Variants in STK10 observed in about 807,000 individuals in gnomAD.
STK10 encodes the protein serine/threonine kinase 10.
In STK10, 78 loss-of-function variants were observed where a neutral mutation model predicts 113.8. The observed-to-expected ratio is 0.69, with a 90% CI of 0.57 to 0.83. STK10 has a LOEUF of 0.83. Among genes scored for constraint, STK10 ranks in the 40% least tolerant of loss-of-function variants. The pLI is 0.00. For missense variants in STK10, 1,109 were observed against 1,280.1 expected (o/e 0.87, Z 2.04); for synonymous variants, 465 against 494.7 (o/e 0.94, Z 0.80).
chr5:172,131,133 A>G (rs558158718), intron 2 of STK10, among the ~76,000 whole-genome samples: 2 of 144,552 alleles, frequency 1.4e-5, no homozygotes, highest in Admixed American at 1.5e-4. Context: ...TCCCAGGTTC[A>G]CGCCATTCTC....
chr5:172,101,814 C>A (rs1768995670), intron 7 of STK10, among the ~76,000 whole-genome samples: 3 of 152,126 alleles, frequency 2.0e-5, no homozygotes, highest in South Asian at 2.1e-4. Context: ...ACAGAGGGAT[C>A]CGGAGGAAGG....
chr5:172,129,023 C>T (rs918081613), intron 2 of STK10, among the ~76,000 whole-genome samples: 6 of 152,176 alleles, frequency 3.9e-5, no homozygotes, highest in Non-Finnish European at 2.9e-5. Flanking sequence ...CACGGCTGGG[C>T]TCATGGCCCA....
intron 1 of STK10, among the ~76,000 whole-genome samples, chr5:172,157,951 C>A (rs866101616): frequency 2.0e-5 from 3 of 152,086 alleles, no homozygotes; most frequent in Non-Finnish European, 4.4e-5. Context: ...ACATTTCCCA[C>A]GCACTAACAG....
intron 12 of STK10, among the ~76,000 whole-genome samples, chr5:172,072,256 T>A (rs28817318): frequency 1.9e-4 from 27 of 142,024 alleles, no homozygotes; most frequent in African/African-American, 7.3e-4. Context: ...ACTTAAAAAA[T>A]TTTTTTTCTT....
intron 13 of STK10, among the ~76,000 whole-genome samples, chr5:172,063,269 C>A (rs991342538): frequency 6.6e-6 from 1 of 151,142 alleles, no homozygotes; most frequent in Non-Finnish European, 1.5e-5. Flanking sequence ...AAAAAAAAAA[C>A]TGGGATGAAA....
chr5:172,081,351 CAAAAAAAAA>C (rs58173076), intron 12 of STK10, among the ~76,000 whole-genome samples: 1 of 68,614 alleles, frequency 1.5e-5, no homozygotes, highest in Non-Finnish European at 2.9e-5. Flanking sequence ...ACTCCATCTC[CAAAAAAAAA>C]AAAAAAAAAA....
intron 2 of STK10, among the ~76,000 whole-genome samples, chr5:172,141,539 A>C (rs1769971939): frequency 6.6e-6 from 1 of 151,298 alleles, no homozygotes; most frequent in Non-Finnish European, 1.5e-5. Context: ...CGATTGTGCC[A>C]CTACATACAC....
chr5:172,060,079 C>T (rs1470969044), intron 14 of STK10, among the ~76,000 whole-genome samples: 1 of 152,086 alleles, frequency 6.6e-6, no homozygotes, highest in Non-Finnish European at 1.5e-5. Flanking sequence ...GAGGGTGGAG[C>T]CCTCGTGAAT....
chr5:172,079,415 C>G (rs1236257299), intron 12 of STK10, among the ~76,000 whole-genome samples: 2 of 152,180 alleles, frequency 1.3e-5, no homozygotes, highest in East Asian at 1.9e-4. Flanking sequence ...CTCTCCAGAT[C>G]TCTAGTCAGC....
At chr5:172,159,121 A>T (rs1770411350) in intron 1 of STK10, among the ~76,000 whole-genome samples, 1 of 152,232 alleles carries the variant, frequency 6.6e-6, no homozygotes, top group African/African-American at 2.4e-5. Context: ...ATTGCACACA[A>T]GGAGCTAGTG....
In STK10 at chr5:172,093,818, G is replaced by A. The variant is rs761540689; in HGVS notation, c.1148C>T (p.Ser383Phe). ...GGTGGTTTGGAGGGATCTGTCCCCA[G>A]AGGGCTGGCTGCAGGGCTCATTCAC... ...DSVNEPCSQP[S>F]GDRSLQTTSP... The change falls in exon 9 of 19, where the codon TCT (serine) becomes TTT (phenylalanine). Residue 383 changes from serine to phenylalanine, a missense_variant. Ser to Phe is a radical substitution (Grantham distance 155, BLOSUM62 -2). This residue lies in a region of STK10 where 885 missense variants were observed against 991.1 expected (regional missense o/e 0.89). Coordinates refer to ENST00000176763, the MANE Select transcript of STK10 (RefSeq NM_005990.4). This position sits in a 1 kb window ranked among gnomAD's most constrained non-coding sequence, Gnocchi z 4.1. 3 of 1,605,790 alleles carry A rather than the reference G, an allele frequency of 1.9e-6. No homozygotes were observed. The highest frequency in any genetic ancestry group is 2.6e-6 in the Non-Finnish European group (3 of 1,174,058).
At chr5:172,165,147 A>G (rs1770544397) in intron 1 of STK10, among the ~76,000 whole-genome samples, 2 of 151,830 alleles carry the variant, frequency 1.3e-5, no homozygotes, top group South Asian at 4.2e-4. Flanking sequence ...CCAGCAGGGG[A>G]CCCACCCCCA....
chr5:172,171,730 TGAATAGAATAGAATA>T (rs11273930), intron 1 of STK10, among the ~76,000 whole-genome samples: 2 of 149,008 alleles, frequency 1.3e-5, no homozygotes, highest in African/African-American at 5.0e-5. Context: ...TAAAATAAAA[TGAATAGAATAGAATA>T]GAATAGAATA....
In STK10 at chr5:172,140,744, A is replaced by G. The variant is rs183146506; in HGVS notation, c.322-13323T>C. Among the ~76,000 whole-genome samples the G allele has an allele frequency of 6.0e-3, 915 of 152,280 alleles. 13 individuals carry two copies. Among genetic ancestry groups the G allele is most frequent in the African/African-American group, 0.021 (879 of 41,556 alleles). ...AAAATAAAAATAGAACTACTATATG[A>G]TCCAGCAATCCCACTTCTGGGTATT... On this transcript the variant is annotated intron_variant, in intron 2 of 18. Coordinates refer to ENST00000176763, the MANE Select transcript of STK10 (RefSeq NM_005990.4).
At chr5:172,090,111 C>T (rs57843629) in intron 10 of STK10, 121 bp downstream of exon 10, 347,451 of 1,420,238 alleles carry the variant, frequency 0.24, 49,976 homozygotes, top group African/African-American at 0.66. Context: ...TTTCCTTTTG[C>T]CTCCTTGATT....
intron 1 of STK10, among the ~76,000 whole-genome samples, chr5:172,167,257 A>C (rs1561833339): frequency 6.6e-5 from 10 of 151,802 alleles, no homozygotes; most frequent in African/African-American, 1.9e-4. Flanking sequence ...AGGTGAAATC[A>C]CTAAAGACAA....
intron 5 of STK10, among the ~76,000 whole-genome samples, chr5:172,107,407 T>A (rs185949847): frequency 6.2e-4 from 95 of 152,288 alleles, no homozygotes; most frequent in African/African-American, 1.8e-3. Context: ...ACGGTAGGAA[T>A]TGAACTTGTA....
At chr5:172,159,908 T>C (rs1392453063) in intron 1 of STK10, among the ~76,000 whole-genome samples, 5 of 149,958 alleles carry the variant, frequency 3.3e-5, no homozygotes, top group Non-Finnish European at 7.4e-5. Context: ...GAGGCCAAGG[T>C]GGGCGGATCA....
At chr5:172,149,476 A>G (rs1191727619) in intron 2 of STK10, among the ~76,000 whole-genome samples, 1 of 151,506 alleles carries the variant, frequency 6.6e-6, no homozygotes, top group African/African-American at 2.4e-5. Flanking sequence ...GCAGACTTTA[A>G]AGTGCTTTAC....
Sources: gnomAD v4.1 joint callset for allele counts (sites outside exome capture counted in the v4.1 genomes callset) on GRCh38, gnomAD v4.1.1 for gene constraint, gnomAD v4.1.1 regional missense constraint, Gnocchi (gnomAD v3.1) non-coding constraint, MANE v1.5 for transcripts, NCBI Gene and HGNC (gene_info 2026-07-23, HGNC 2026-07-21) for gene names.